The following PIAS1 variants were observed in gnomAD, a reference collection of about 807,000 sequenced individuals.
PIAS1 encodes the protein E3 SUMO-protein ligase PIAS1.
PIAS1 carries 6 observed loss-of-function variants against 71.3 expected under a neutral mutation model. The observed-to-expected ratio is 0.08, with a 90% confidence interval of 0.05 to 0.17. The LOEUF (loss-of-function observed/expected upper bound fraction) is 0.17, where lower values mean the gene tolerates loss of function less well. PIAS1 is among the 10% of genes least tolerant of loss of function. PIAS1 has a pLI of 1.00. For synonymous variants in PIAS1, 303 were observed against 292.9 expected (o/e 1.03, Z -0.35); for missense variants, 555 against 793.6 (o/e 0.70, Z 3.61).
intron 4 of PIAS1, among the ~76,000 whole-genome samples, chr15:68,145,096 A>G: frequency 6.6e-6 from 1 of 152,196 alleles, no homozygotes; most frequent in Non-Finnish European, 1.5e-5. Context: ...AATAGTAATA[A>G]GAGTGAATAG....
At chr15:68,149,068 G>A (rs2092828192) in intron 6 of PIAS1, among the ~76,000 whole-genome samples, 1 of 152,134 alleles carries the variant, frequency 6.6e-6, no homozygotes, top group Non-Finnish European at 1.5e-5. Context: ...AGGACTGAGT[G>A]TGGGTGTGTT....
rs1382182207 is a variant in PIAS1 at position 68,185,923 on chromosome 15, ACC to A, written c.1663-1618_1663-1617del. On this transcript the variant is annotated intron_variant, in intron 13 of 13. Coordinates refer to ENST00000249636, the MANE Select transcript of PIAS1 (RefSeq NM_016166.3). This position sits in a 1 kb window ranked among gnomAD's most constrained non-coding sequence, Gnocchi z 4.4. ...GTTGCAGTGAGCCGAGATTGCGTGC[ACC>A]ACTCTACTCCAACCTGGGTGGCAGA... Among the ~76,000 whole-genome samples, 9 of 151,956 alleles carry A rather than the reference ACC, an allele frequency of 5.9e-5. No individual in the cohort carries two copies. In the East Asian group the frequency reaches 1.4e-3, roughly 23 times the overall value.
chr15:68,151,048 AC>A (rs2092840299), intron 6 of PIAS1, among the ~76,000 whole-genome samples: 1 of 151,482 alleles, frequency 6.6e-6, no homozygotes, highest in African/African-American at 2.4e-5. Flanking sequence ...AATAAACAAA[AC>A]TATCAGTATA....
intron 2 of PIAS1, among the ~76,000 whole-genome samples, chr15:68,120,767 G>A (rs554390475): frequency 6.6e-6 from 1 of 152,184 alleles, no homozygotes; most frequent in East Asian, 1.9e-4. Flanking sequence ...TGATTCTCCT[G>A]CCTCAGACTC....
chr15:68,138,577 C>G (rs983385985), intron 2 of PIAS1, among the ~76,000 whole-genome samples: 7 of 152,210 alleles, frequency 4.6e-5, no homozygotes, highest in Admixed American at 6.5e-5. Flanking sequence ...CAGGTTCAAA[C>G]TATTCTCCTG....
At position 68,188,010 on chromosome 15, in the gene PIAS1, C is replaced by A; in HGVS notation, c.*175C>A. Reference sequence around the variant, plus strand: ...TGTACAGAGAACAAAACTATATTTTCAGTTTTACTTTTGTATATAAATCTA... The same window carrying A: ...TGTACAGAGAACAAAACTATATTTTAAGTTTTACTTTTGTATATAAATCTA... On this transcript the variant is annotated 3_prime_UTR_variant, in exon 14 of 14. Coordinates refer to ENST00000249636, the MANE Select transcript of PIAS1 (RefSeq NM_016166.3). 1 of 497,854 alleles carries A rather than the reference C, an allele frequency of 2.0e-6. No individual in the cohort carries two copies. Among genetic ancestry groups the A allele is most frequent in the Non-Finnish European group, 3.5e-6 (1 of 284,708 alleles). 30.8% of individuals were successfully genotyped at this position (497,854 alleles called of 1,614,324 possible).
At position 68,146,016 on chromosome 15, in the gene PIAS1, G is replaced by A. The variant is rs930453485; in HGVS notation, c.693+110G>A. 3 of 706,106 alleles carry A rather than the reference G, an allele frequency of 4.2e-6. No individual in the cohort carries two copies. In the Admixed American group the frequency reaches 6.6e-5, roughly 16 times the overall value. The allele number at this position is 706,106 out of a possible 1,614,324, so 43.7% of individuals were successfully genotyped here. On this transcript the variant is annotated intron_variant, in intron 5 of 13. Transcript: ENST00000249636. ...TTCCTTAAGAAAACATTTTTATTTT[G>A]GATATATATTCATTGACTGGGTGAA...
intron 2 of PIAS1, among the ~76,000 whole-genome samples, chr15:68,134,776 T>A (rs1595753850): frequency 2.7e-5 from 1 of 36,978 alleles, no homozygotes; most frequent in East Asian, 7.8e-4. Context: ...GCTCCTCACT[T>A]CCCAGTAGGG....
Position 68,175,783 on chromosome 15 carries a change from C to T in PIAS1, c.1300+16C>T. 1 of 1,586,244 alleles carries T rather than the reference C, an allele frequency of 6.3e-7. No individual in the cohort carries two copies. Among genetic ancestry groups the T allele is most frequent in the Non-Finnish European group, 8.6e-7 (1 of 1,164,080 alleles). On this transcript the variant is annotated intron_variant, in intron 10 of 13. Transcript: ENST00000249636. ...GGAGTCGATGGTGAGTAGTTCTTCA[C>T]AAGGAAGAGGCAGTCTCCCTACTGC...
At position 68,190,342 on chromosome 15, in the gene PIAS1, A is replaced by AT. The variant is rs1484300872; in HGVS notation, c.*2509dup. 1 of 152,216 alleles carries AT rather than the reference A, an allele frequency of 6.6e-6. No individual in the cohort carries two copies. Among genetic ancestry groups the AT allele is most frequent in the Non-Finnish European group, 1.5e-5 (1 of 68,042 alleles). The allele number at this position is 152,216 out of a possible 1,614,324, so 9.4% of individuals were successfully genotyped here. A position where few individuals can be genotyped will look rare whatever the true frequency, so the allele number is the denominator to read the frequency against. ...AGTTGTTGACTTTCCAAAATGTTGC[A>AT]TTAAGTAATAGTTGTCACTCTGTTG... On this transcript the variant is annotated 3_prime_UTR_variant, in exon 14 of 14. Coordinates refer to ENST00000249636, the MANE Select transcript of PIAS1 (RefSeq NM_016166.3). The surrounding 1 kb of genome is among the most constrained non-coding windows in gnomAD (Gnocchi z 4.7).
intron 1 of PIAS1, among the ~76,000 whole-genome samples, chr15:68,068,020 C>A (rs566044327): frequency 1.3e-5 from 2 of 152,258 alleles, no homozygotes; most frequent in South Asian, 4.2e-4. Context: ...TTTACTGTAG[C>A]ATTCTTCAAA....
At chr15:68,100,098 GAAAAAA>G (rs56224845) in intron 2 of PIAS1, among the ~76,000 whole-genome samples, 1 of 138,856 alleles carries the variant, frequency 7.2e-6, no homozygotes, top group East Asian at 2.0e-4. Context: ...ATTTCTTCGG[GAAAAAA>G]AAAAAAAAAA....
intron 8 of PIAS1, among the ~76,000 whole-genome samples, chr15:68,166,958 T>G (rs1446147039): frequency 6.6e-6 from 1 of 152,176 alleles, no homozygotes; most frequent in Non-Finnish European, 1.5e-5. Context: ...CCCAAGTAGC[T>G]GGGACTACCG....
chr15:68,065,384 G>T (rs2092006469), intron 1 of PIAS1, among the ~76,000 whole-genome samples: 1 of 151,876 alleles, frequency 6.6e-6, no homozygotes. Context: ...AAGCTCAGGG[G>T]TTCCAGACCA....
At chr15:68,111,609 T>C (rs1279087772) in intron 2 of PIAS1, among the ~76,000 whole-genome samples, 2 of 152,124 alleles carry the variant, frequency 1.3e-5, no homozygotes, top group Admixed American at 6.5e-5. Context: ...TTTAAATGCT[T>C]AAAAATGAAA....
chr15:68,096,584 A>C (rs2092377588), intron 2 of PIAS1, among the ~76,000 whole-genome samples: 1 of 151,722 alleles, frequency 6.6e-6, no homozygotes, highest in African/African-American at 2.4e-5. Flanking sequence ...TTATATTTTT[A>C]ATTTCTTTCA....
intron 1 of PIAS1, among the ~76,000 whole-genome samples, chr15:68,059,518 T>C (rs2091934188): frequency 6.6e-6 from 1 of 151,622 alleles, no homozygotes; most frequent in Non-Finnish European, 1.5e-5. Context: ...AAGACCAGCC[T>C]GACCAAGATA....
At chr15:68,064,844 A>G (rs1485611187) in intron 1 of PIAS1, among the ~76,000 whole-genome samples, 1 of 152,164 alleles carries the variant, frequency 6.6e-6, no homozygotes, top group African/African-American at 2.4e-5. Flanking sequence ...TAAAACCATG[A>G]TAGTCTTCTA....
In PIAS1 at chr15:68,054,441, C is replaced by G; in HGVS notation, c.24+91C>G. The G allele has an allele frequency of 1.5e-6, 2 of 1,377,860 alleles. No homozygotes were observed. Among genetic ancestry groups the G allele is most frequent in the Non-Finnish European group, 2.0e-6 (2 of 994,310 alleles). 85.4% of individuals were successfully genotyped at this position (1,377,860 alleles called of 1,614,324 possible). ...GGATGGGTCCGACCCTGGGGGGCCT[C>G]TCGGGCCTGACTCCACCCGGGCCTG... On this transcript the variant is annotated intron_variant, in intron 1 of 13. Coordinates refer to ENST00000249636, the MANE Select transcript of PIAS1 (RefSeq NM_016166.3). The surrounding 1 kb of genome is among the most constrained non-coding windows in gnomAD (Gnocchi z 4.6).
Sources: gnomAD v4.1 joint callset for allele counts (sites outside exome capture counted in the v4.1 genomes callset) on GRCh38, gnomAD v4.1.1 for gene constraint, Gnocchi (gnomAD v3.1) non-coding constraint, MANE v1.5 for transcripts, NCBI Gene and HGNC (gene_info 2026-07-23, HGNC 2026-07-21) for gene names.